ERC2: variants seen among roughly 807,000 people sequenced by gnomAD.
The protein encoded by ERC2 is ELKS/RAB6-interacting/CAST family member 2.
Under a neutral mutation model 114.8 loss-of-function variants are expected in ERC2, and 42 were observed. The ratio of observed to expected loss-of-function variants is 0.37; its 90% CI spans 0.29 to 0.47. The LOEUF is 0.47. Ranked by LOEUF, ERC2 falls within the 20% of genes least tolerant of loss-of-function variation. The pLI is 0.99. For missense variants in ERC2, 939 were observed against 1,150.7 expected (o/e 0.82, Z 2.66); for synonymous variants, 454 against 425.5 (o/e 1.07, Z -0.82).
chr3:55,581,313 C>A (rs964352161), intron 17 of ERC2, among the ~76,000 whole-genome samples: 1 of 152,142 alleles, frequency 6.6e-6, no homozygotes, highest in African/African-American at 2.4e-5. Flanking sequence ...TGCAATAATA[C>A]CATTTAGCCT....
At chr3:56,334,276 A>G (rs1466108337) in intron 2 of ERC2, among the ~76,000 whole-genome samples, 1 of 152,228 alleles carries the variant, frequency 6.6e-6, no homozygotes, top group African/African-American at 2.4e-5. Context: ...GGAGGGCAGG[A>G]GGGCTTCAGG....
chr3:55,780,709 C>G (rs1310842081), intron 14 of ERC2, among the ~76,000 whole-genome samples: 2 of 152,170 alleles, frequency 1.3e-5, no homozygotes, highest in African/African-American at 4.8e-5. Context: ...TCCTCTGTGG[C>G]ACACGCCAAT....
intron 6 of ERC2, among the ~76,000 whole-genome samples, chr3:56,132,567 G>A (rs2080265938): frequency 6.6e-6 from 1 of 152,180 alleles, no homozygotes; most frequent in Non-Finnish European, 1.5e-5. Flanking sequence ...AACCCAGGAG[G>A]CGGAGCTTGC....
chr3:55,722,419 C>A (rs7644056), intron 15 of ERC2, among the ~76,000 whole-genome samples: 7,310 of 152,112 alleles, frequency 0.048, 569 homozygotes, highest in African/African-American at 0.16. Context: ...GCTCACCCCC[C>A]ACTTGGCTGG....
At chr3:55,832,120 A>G (rs530822044) in intron 14 of ERC2, among the ~76,000 whole-genome samples, 2 of 152,366 alleles carry the variant, frequency 1.3e-5, no homozygotes, top group African/African-American at 4.8e-5. Flanking sequence ...AACTGGGTGG[A>G]GCCCACCACA....
chr3:56,419,374 T>A (rs759907192), intron 2 of ERC2, among the ~76,000 whole-genome samples: 38 of 152,348 alleles, frequency 2.5e-4, no homozygotes, highest in Non-Finnish European at 2.2e-4. Flanking sequence ...GGAAAGTCCT[T>A]AATGAAAATA....
intron 13 of ERC2, among the ~76,000 whole-genome samples, chr3:55,901,996 C>T (rs1016470393): frequency 2.6e-5 from 4 of 152,094 alleles, no homozygotes; most frequent in African/African-American, 9.7e-5. Context: ...TAAAACAAAC[C>T]ATCACACACA....
chr3:56,429,492 A>T (rs1236487967), intron 2 of ERC2, among the ~76,000 whole-genome samples: 2 of 152,212 alleles, frequency 1.3e-5, no homozygotes, highest in East Asian at 3.9e-4. Context: ...CCTCCAATTT[A>T]AGAAAATATA....
chr3:56,238,185 G>A (rs748232527), intron 3 of ERC2, among the ~76,000 whole-genome samples: 39 of 152,100 alleles, frequency 2.6e-4, no homozygotes, highest in Non-Finnish European at 5.3e-4. Flanking sequence ...CCAATGGGAG[G>A]GACTCACCTG....
At chr3:55,745,422 T>A (rs1273236197) in intron 14 of ERC2, among the ~76,000 whole-genome samples, 2 of 152,154 alleles carry the variant, frequency 1.3e-5, no homozygotes, top group Non-Finnish European at 2.9e-5. Flanking sequence ...TGGAAAAAAA[T>A]ATTTTAAAAA....
At chr3:56,092,234 A>G (rs1046863608) in intron 6 of ERC2, among the ~76,000 whole-genome samples, 1 of 152,350 alleles carries the variant, frequency 6.6e-6, no homozygotes, top group African/African-American at 2.4e-5. Context: ...TGTGTTTGTC[A>G]TGCCTACCTG....
At chr3:55,535,296 G>C (rs2053928250) in intron 17 of ERC2, among the ~76,000 whole-genome samples, 1 of 152,156 alleles carries the variant, frequency 6.6e-6, no homozygotes, top group Non-Finnish European at 1.5e-5. Context: ...AAAAATAAAT[G>C]GGTACCTTAA....
chr3:56,216,802 T>C (rs2049510303), intron 3 of ERC2, among the ~76,000 whole-genome samples: 1 of 152,162 alleles, frequency 6.6e-6, no homozygotes. Context: ...CATGATCAGG[T>C]GGGCTTCATC....
chr3:55,838,022 G>A lies in ERC2; in HGVS notation c.2564+50367C>T, dbSNP rs9834386. Among the ~76,000 whole-genome samples the A allele has an allele frequency of 8.6e-3, 1,297 of 151,270 alleles. 24 individuals are homozygous for A. Among genetic ancestry groups the A allele is most frequent in the African/African-American group, 0.03 (1,232 of 41,196 alleles). On this transcript the variant is annotated intron_variant, in intron 14 of 17. Transcript: ENST00000288221. Reference sequence around the variant, plus strand: ...AAGATAATCATTACATAATTATGAGGTTACAACAATATTACACATTTATGT... The same window carrying A: ...AAGATAATCATTACATAATTATGAGATTACAACAATATTACACATTTATGT...
intron 6 of ERC2, among the ~76,000 whole-genome samples, chr3:56,133,063 A>G (rs73078474): frequency 0.031 from 4,696 of 152,248 alleles, 166 homozygotes; most frequent in African/African-American, 0.079. Flanking sequence ...TGTCAGAGTT[A>G]TGCCTAGAAA....
intron 17 of ERC2, among the ~76,000 whole-genome samples, chr3:55,650,678 T>A (rs2060579503): frequency 6.6e-6 from 1 of 152,188 alleles, no homozygotes; most frequent in South Asian, 2.1e-4. Context: ...TAGGTGCTTA[T>A]TAAACTTCAA....
At chr3:56,311,237 C>A (rs1408897448) in intron 2 of ERC2, among the ~76,000 whole-genome samples, 49 of 16,318 alleles carry the variant, frequency 3.0e-3, no homozygotes, top group Admixed American at 0.013. Flanking sequence ...CATCTTCTCT[C>A]TCTCTCTCTC....
intron 3 of ERC2, among the ~76,000 whole-genome samples, chr3:56,215,544 G>C (rs1245178602): frequency 1.3e-5 from 2 of 152,058 alleles, no homozygotes; most frequent in African/African-American, 4.8e-5. Context: ...AAAAATAATG[G>C]GAGAGTTTGA....
intron 17 of ERC2, among the ~76,000 whole-genome samples, chr3:55,520,666 G>T (rs2052864545): frequency 6.6e-6 from 1 of 152,110 alleles, no homozygotes; most frequent in Non-Finnish European, 1.5e-5. Flanking sequence ...TTTCACTGGG[G>T]CACCTCCCAG....
Sources: gnomAD v4.1 joint callset for allele counts (sites outside exome capture counted in the v4.1 genomes callset) on GRCh38, gnomAD v4.1.1 for gene constraint, MANE v1.5 for transcripts, NCBI Gene and HGNC (gene_info 2026-07-23, HGNC 2026-07-21) for gene names.